The following RNF121 variants were observed in gnomAD, a reference collection of about 807,000 sequenced individuals.
RNF121 encodes E3 ubiquitin ligase RNF121.
RNF121 carries 21 observed loss-of-function variants against 46.5 expected under a neutral mutation model. The observed-to-expected ratio is 0.45, with a 90% CI of 0.32 to 0.65. The LOEUF (loss-of-function observed/expected upper bound fraction) is 0.65. Ranked by LOEUF, RNF121 falls within the 30% of genes least tolerant of loss-of-function variation. The pLI, the probability that RNF121 is intolerant of heterozygous loss-of-function variation, is 0.04. For missense variants in RNF121, 346 were observed against 416.0 expected (o/e 0.83, Z 1.46); for synonymous variants, 139 against 144.7 (o/e 0.96, Z 0.28).
intron 3 of RNF121, among the ~76,000 whole-genome samples, chr11:71,973,308 C>T (rs562041200): frequency 3.3e-4 from 50 of 151,972 alleles, no homozygotes; most frequent in African/African-American, 1.0e-3. Context: ...GCCTGGGCAA[C>T]GTAGTAAGAC....
chr11:71,956,799 G>T (rs982429677), intron 1 of RNF121, among the ~76,000 whole-genome samples: 7 of 151,790 alleles, frequency 4.6e-5, no homozygotes, highest in African/African-American at 1.7e-4. Context: ...TCTTCTTCTG[G>T]ATAATTCACA....
chr11:71,976,442 G>A (rs112587056), intron 3 of RNF121, among the ~76,000 whole-genome samples: 2,318 of 129,332 alleles, frequency 0.018, 48 homozygotes, highest in African/African-American at 0.063. Flanking sequence ...GGCAACCTCC[G>A]CCTCCCGGGT....
In RNF121 at chr11:71,937,204, G is replaced by C. The variant is rs1434727521; in HGVS notation, c.63+8080G>C. Among the ~76,000 whole-genome samples the C allele has an allele frequency of 3.9e-5, 6 of 152,192 alleles. 1 individual carries two copies. Among genetic ancestry groups the C allele is most frequent in the Admixed American group, 2.6e-4 (4 of 15,286 alleles). On this transcript the variant is annotated intron_variant, in intron 1 of 8. Transcript: ENST00000361756. Reference sequence around the variant, plus strand: ...GTCGTATTGTCTTTTCCATTAGGCAGGGAACTCCTTGAGGGGACTGCACCT... The same window carrying C: ...GTCGTATTGTCTTTTCCATTAGGCACGGAACTCCTTGAGGGGACTGCACCT...
At chr11:71,991,198 C>T (rs796795893) in intron 6 of RNF121, among the ~76,000 whole-genome samples, 23 of 151,084 alleles carry the variant, frequency 1.5e-4, no homozygotes, top group African/African-American at 5.3e-4. Context: ...CAAACCTGCA[C>T]ATGTACCCTC....
Position 71,960,971 on chromosome 11 carries a change from C to T in RNF121, c.243+80C>T. On this transcript the variant is annotated intron_variant, in intron 3 of 8. Coordinates refer to ENST00000361756, the MANE Select transcript of RNF121 (RefSeq NM_018320.5). The stretch of plus-strand genomic sequence containing the variant: ...TAAGTATTCTAGGTCCCAGCCTAAC[C>T]CAGGCCACATGGAGGTGGAGAAAGA... The T allele has an allele frequency of 3.3e-6, 5 of 1,494,794 alleles. No homozygotes were observed. The South Asian group carries it at 6.1e-5, about 18-fold the overall frequency. The allele number at this position is 1,494,794 out of a possible 1,614,324, so 92.6% of individuals were successfully genotyped here.
At chr11:71,930,998 G>C (rs561097259) in intron 1 of RNF121, among the ~76,000 whole-genome samples, 1 of 152,040 alleles carries the variant, frequency 6.6e-6, no homozygotes, top group Admixed American at 6.6e-5. Context: ...ACGCCCGGCT[G>C]ATTTTTTGTA....
At chr11:71,995,593 A>G (rs1195187020) in intron 8 of RNF121, 42 bp downstream of exon 8, 1 of 1,484,466 alleles carries the variant, frequency 6.7e-7, no homozygotes, top group African/African-American at 1.4e-5. Context: ...GGCTGTGGGA[A>G]GAAAGTACTG....
intron 1 of RNF121, among the ~76,000 whole-genome samples, chr11:71,950,466 C>T (rs966486848): frequency 6.6e-6 from 1 of 151,766 alleles, no homozygotes; most frequent in Non-Finnish European, 1.5e-5. Flanking sequence ...CACCTGTAAT[C>T]CCAGCTACTG....
At chr11:71,974,572 GGA>G (rs1554989971) in intron 3 of RNF121, among the ~76,000 whole-genome samples, 1 of 152,176 alleles carries the variant, frequency 6.6e-6, no homozygotes, top group Non-Finnish European at 1.5e-5. Flanking sequence ...CCATTAAATT[GGA>G]GAGTTGGACC....
At chr11:71,956,549 T>C (rs1953996510) in intron 1 of RNF121, among the ~76,000 whole-genome samples, 1 of 152,208 alleles carries the variant, frequency 6.6e-6, no homozygotes, top group Admixed American at 6.5e-5. Context: ...GTCGGATGGC[T>C]AGTGATATCG....
At chr11:71,947,757 A>G (rs540539180) in intron 1 of RNF121, among the ~76,000 whole-genome samples, 2 of 152,330 alleles carry the variant, frequency 1.3e-5, no homozygotes, top group East Asian at 1.9e-4. Flanking sequence ...GGATGATGCA[A>G]TCAGGTGTGT....
At chr11:71,956,589 A>ATTC (rs1454761499) in intron 1 of RNF121, among the ~76,000 whole-genome samples, 1 of 152,214 alleles carries the variant, frequency 6.6e-6, no homozygotes, top group African/African-American at 2.4e-5. Flanking sequence ...CAAGAACTAA[A>ATTC]TTCAGTTTGC....
intron 6 of RNF121, among the ~76,000 whole-genome samples, chr11:71,991,758 C>T (rs1480509363): frequency 6.6e-6 from 1 of 151,970 alleles, no homozygotes; most frequent in African/African-American, 2.4e-5. Flanking sequence ...CAAGAAGTGC[C>T]TGGAGAAGTA....
intron 1 of RNF121, among the ~76,000 whole-genome samples, chr11:71,940,633 A>G (rs878876702): frequency 6.6e-6 from 1 of 152,204 alleles, no homozygotes; most frequent in African/African-American, 2.4e-5. Context: ...TCAGTCACCA[A>G]TTATTGAGTT....
chr11:71,931,946 C>G (rs1953285875), intron 1 of RNF121, among the ~76,000 whole-genome samples: 1 of 152,164 alleles, frequency 6.6e-6, no homozygotes, highest in Non-Finnish European at 1.5e-5. Flanking sequence ...TTTTCTACTT[C>G]TTTGGAAAGA....
chr11:71,969,112 C>A (rs1024620591), intron 3 of RNF121, among the ~76,000 whole-genome samples: 1 of 151,998 alleles, frequency 6.6e-6, no homozygotes, highest in Non-Finnish European at 1.5e-5. Flanking sequence ...GTCTCGAACT[C>A]CTGACCTCAG....
chr11:71,994,732 C>T lies in RNF121; in HGVS notation c.641C>T (p.Ser214Leu), dbSNP rs774437950. ...MASTIGFYSE[S>L]GMPTKHLSDS... ...ATTCTCCTTCAGTTCTACAGCGAGT[C>T]GGGCATGCCTACCAAACATCTTTCA... Residue 214 changes from serine (S) to leucine (L), a missense_variant, in exon 7 of 9, where the codon TCG (serine) becomes TTG (leucine). By Grantham distance (145) the Ser-to-Leu change is moderately radical (BLOSUM62 -2). This residue lies in a region of RNF121 where 286 missense variants were observed against 383.8 expected (regional missense o/e 0.75). Coordinates refer to ENST00000361756, the MANE Select transcript of RNF121 (RefSeq NM_018320.5). The T allele has an allele frequency of 2.5e-6, 4 of 1,614,106 alleles. No individual in the cohort carries two copies. Among genetic ancestry groups the T allele is most frequent in the Non-Finnish European group, 3.4e-6 (4 of 1,180,022 alleles).
intron 6 of RNF121, among the ~76,000 whole-genome samples, chr11:71,994,173 T>A (rs1954925213): frequency 6.6e-6 from 1 of 152,162 alleles, no homozygotes; most frequent in African/African-American, 2.4e-5. Context: ...TGAAGTGAAA[T>A]TAATGGGTCA....
intron 1 of RNF121, among the ~76,000 whole-genome samples, chr11:71,947,100 G>A (rs1304165213): frequency 1.3e-5 from 2 of 152,008 alleles, no homozygotes; most frequent in Non-Finnish European, 2.9e-5. Context: ...CCTGACCTCA[G>A]ATGACCCGCC....
Sources: allele counts gnomAD v4.1 joint callset (sites outside exome capture counted in the v4.1 genomes callset), GRCh38; gene constraint gnomAD v4.1.1; regional missense constraint gnomAD v4.1.1; transcripts MANE v1.5; gene names NCBI Gene and HGNC (gene_info 2026-07-23, HGNC 2026-07-21).